LSAMP: variants seen among roughly 807,000 people sequenced by gnomAD.
LSAMP encodes limbic system-associated membrane protein.
LSAMP carries 7 observed loss-of-function variants against 38.6 expected under a neutral mutation model. The observed-to-expected ratio is 0.18, with a 90% CI of 0.10 to 0.34. The LOEUF is 0.34. LSAMP is among the 10% of genes least tolerant of loss of function. The pLI, the probability that LSAMP is intolerant of heterozygous loss-of-function variation, is 1.00. For synonymous variants in LSAMP, 154 were observed against 166.8 expected (o/e 0.92, Z 0.59); for missense variants, 313 against 420.0 (o/e 0.75, Z 2.23).
intron 3 of LSAMP, among the ~76,000 whole-genome samples, chr3:115,907,476 A>G (rs574267239): frequency 6.6e-6 from 1 of 152,184 alleles, no homozygotes; most frequent in African/African-American, 2.4e-5. Context: ...TGGCACTTTC[A>G]TCTTGGACTT....
At chr3:116,123,201 G>T (rs1708922134) in intron 1 of LSAMP, among the ~76,000 whole-genome samples, 1 of 152,212 alleles carries the variant, frequency 6.6e-6, no homozygotes, top group Non-Finnish European at 1.5e-5. Context: ...CAAGGGTGGA[G>T]TGAGCTGCCT....
intron 3 of LSAMP, among the ~76,000 whole-genome samples, chr3:116,014,996 A>T (rs1176004669): frequency 1.3e-5 from 2 of 152,170 alleles, no homozygotes; most frequent in Admixed American, 1.3e-4. Flanking sequence ...GTGGAATCTC[A>T]GATCAAGTGG....
intron 1 of LSAMP, among the ~76,000 whole-genome samples, chr3:116,125,737 G>A (rs1268137984): frequency 1.3e-5 from 2 of 152,088 alleles, no homozygotes; most frequent in East Asian, 1.9e-4. Flanking sequence ...ATAAATTAGG[G>A]CAGTTCAATA....
In LSAMP at chr3:115,994,405, T is replaced by G. The variant is rs557522921; in HGVS notation, c.514+25110A>C. Among the ~76,000 whole-genome samples the G allele has an allele frequency of 2.6e-5, 4 of 152,182 alleles. No homozygotes were observed. In the East Asian group the frequency reaches 5.8e-4, roughly 22 times the overall value. ...ACTACTCTCAAAAATGCAACTTCAT[T>G]TGGTAATGCAACCTGAGAAGTGGGT... On this transcript the variant is annotated intron_variant, in intron 3 of 6. Coordinates refer to ENST00000490035, the MANE Select transcript of LSAMP (RefSeq NM_002338.5).
intron 1 of LSAMP, among the ~76,000 whole-genome samples, chr3:116,181,913 T>G (rs1710494053): frequency 6.6e-6 from 1 of 151,978 alleles, no homozygotes; most frequent in African/African-American, 2.4e-5. Context: ...TTGATAAAGA[T>G]CACCCAGGTA....
At chr3:116,162,768 T>TACACACACACACACACACACACACAC (rs71141856) in intron 1 of LSAMP, among the ~76,000 whole-genome samples, 30 of 147,316 alleles carry the variant, frequency 2.0e-4, no homozygotes, top group African/African-American at 7.6e-4. Flanking sequence ...CACACACTTA[T>TACACACACACACACACACACACACAC]ACACACACAC....
chr3:115,990,401 CA>C (rs1939633733), intron 3 of LSAMP, among the ~76,000 whole-genome samples: 1 of 152,026 alleles, frequency 6.6e-6, no homozygotes, highest in Non-Finnish European at 1.5e-5. Flanking sequence ...GATTAGCACA[CA>C]TTGCAAAATC....
chr3:115,815,350 C>A (rs1933983514), intron 6 of LSAMP, among the ~76,000 whole-genome samples: 1 of 152,052 alleles, frequency 6.6e-6, no homozygotes, highest in Non-Finnish European at 1.5e-5. Context: ...GGTCCTGGGG[C>A]CATATCCCCT....
rs1194514472 is a variant in LSAMP at position 116,226,328 on chromosome 3, T to G, written c.156-139772A>C. On this transcript the variant is annotated intron_variant, in intron 1 of 6. Coordinates refer to ENST00000490035, the MANE Select transcript of LSAMP (RefSeq NM_002338.5). ...TTCCAGGGAGAGCAAGATCAAAGTTTGATAAATTGCCATTTATTTCACTTC... is the reference window on the plus strand; with the variant it reads ...TTCCAGGGAGAGCAAGATCAAAGTTGGATAAATTGCCATTTATTTCACTTC... Among the ~76,000 whole-genome samples the G allele has an allele frequency of 2.0e-5, 3 of 152,226 alleles. No individual in the cohort carries two copies. In the East Asian group the frequency reaches 5.8e-4, roughly 29 times the overall value.
intron 3 of LSAMP, among the ~76,000 whole-genome samples, chr3:115,895,275 T>C (rs1256203715): frequency 6.6e-6 from 1 of 152,024 alleles, no homozygotes; most frequent in African/African-American, 2.4e-5. Context: ...CTGAAGACTT[T>C]AGGGATGTAT....
chr3:116,144,841 A>AT (rs965844276), intron 1 of LSAMP, among the ~76,000 whole-genome samples: 2 of 151,752 alleles, frequency 1.3e-5, no homozygotes, highest in Non-Finnish European at 2.9e-5. Context: ...ATAGTTTAAA[A>AT]TTTTTTCTAT....
intron 1 of LSAMP, among the ~76,000 whole-genome samples, chr3:116,139,326 A>G (rs1037215002): frequency 3.9e-5 from 6 of 151,968 alleles, no homozygotes; most frequent in Non-Finnish European, 8.8e-5. Flanking sequence ...TAAGACCACA[A>G]AATATTCTGT....
intron 6 of LSAMP, among the ~76,000 whole-genome samples, chr3:115,823,326 G>T (rs1934306614): frequency 6.6e-6 from 1 of 152,190 alleles, no homozygotes; most frequent in Admixed American, 6.5e-5. Flanking sequence ...CAGGTAGGAG[G>T]GCAGCTCCTG....
At chr3:116,177,199 G>T (rs1430749022) in intron 1 of LSAMP, among the ~76,000 whole-genome samples, 1 of 152,056 alleles carries the variant, frequency 6.6e-6, no homozygotes, top group African/African-American at 2.4e-5. Context: ...GTGTGCTTCT[G>T]TTAGGGCTTT....
chr3:116,324,243 T>G (rs992968702), intron 1 of LSAMP, among the ~76,000 whole-genome samples: 1 of 152,300 alleles, frequency 6.6e-6, no homozygotes, highest in South Asian at 2.1e-4. Context: ...AGTATTCATC[T>G]CAGAAGCAAT....
intron 1 of LSAMP, among the ~76,000 whole-genome samples, chr3:116,434,099 C>T (rs1237943605): frequency 6.6e-6 from 1 of 152,172 alleles, no homozygotes; most frequent in Non-Finnish European, 1.5e-5. Flanking sequence ...TTATCTATCT[C>T]TGATTTTATG....
intron 1 of LSAMP, among the ~76,000 whole-genome samples, chr3:116,325,601 A>G (rs1311512032): frequency 6.6e-6 from 1 of 152,154 alleles, no homozygotes; most frequent in Non-Finnish European, 1.5e-5. Context: ...CAAACAGAAG[A>G]TCTCACCATC....
At chr3:116,435,349 C>T (rs1398621864) in intron 1 of LSAMP, among the ~76,000 whole-genome samples, 2 of 152,194 alleles carry the variant, frequency 1.3e-5, no homozygotes, top group African/African-American at 4.8e-5. Flanking sequence ...CTTTCCTGAA[C>T]TCCTGGGGCT....
intron 1 of LSAMP, among the ~76,000 whole-genome samples, chr3:116,421,863 C>T (rs528237397): frequency 4.6e-4 from 70 of 152,250 alleles, no homozygotes; most frequent in African/African-American, 1.6e-3. Context: ...TTTTGGAAAA[C>T]AATATGGCAG....
Sources: gnomAD v4.1 joint callset for allele counts (sites outside exome capture counted in the v4.1 genomes callset) on GRCh38, gnomAD v4.1.1 for gene constraint, MANE v1.5 for transcripts, NCBI Gene and HGNC (gene_info 2026-07-23, HGNC 2026-07-21) for gene names.